EPB41L2: variants seen among roughly 807,000 people sequenced by gnomAD.
EPB41L2 encodes the protein band 4.1-like protein 2.
Under a neutral mutation model 113.0 loss-of-function variants are expected in EPB41L2, and 43 were observed. That is an observed-to-expected ratio of 0.38 (90% CI 0.30 to 0.49). EPB41L2 has a LOEUF of 0.49. Ranked by LOEUF, EPB41L2 falls within the 20% of genes least tolerant of loss-of-function variation. EPB41L2 has a pLI of 0.95. For synonymous variants in EPB41L2, 442 were observed against 436.7 expected, an observed-to-expected ratio of 1.01 and a Z score of -0.15; for missense variants, 1,147 against 1,223.4, an observed-to-expected ratio of 0.94 and a Z score of 0.93.
chr6:130,920,036 T>C (rs1006080034), intron 4 of EPB41L2, among the ~76,000 whole-genome samples: 7 of 152,168 alleles, frequency 4.6e-5, no homozygotes, highest in African/African-American at 1.7e-4. Context: ...CAGGATGACA[T>C]AACATCTTTA....
At chr6:131,053,434 TAAAAAAAAAAAA>T (rs71030727) in intron 1 of EPB41L2, among the ~76,000 whole-genome samples, 7 of 88,876 alleles carry the variant, frequency 7.9e-5, no homozygotes, top group East Asian at 2.8e-4. Context: ...ATGGAAATGA[TAAAAAAAAAAAA>T]AAAAAAAAAA....
chr6:130,872,481 T>G (rs772716728), intron 14 of EPB41L2: 3 of 1,289,300 alleles, frequency 2.3e-6, no homozygotes, highest in Non-Finnish European at 1.0e-6. Flanking sequence ...GTGGCTTTCA[T>G]GCTATCAGAA....
At chr6:130,862,301 A>AG (rs994890995) in intron 18 of EPB41L2, among the ~76,000 whole-genome samples, 5 of 147,866 alleles carry the variant, frequency 3.4e-5, no homozygotes, top group African/African-American at 1.0e-4. Context: ...CAATGGGGAG[A>AG]GGGGGGTGGA....
chr6:130,963,525 TG>T (rs1306792884), intron 1 of EPB41L2, among the ~76,000 whole-genome samples: 1 of 152,194 alleles, frequency 6.6e-6, no homozygotes, highest in Non-Finnish European at 1.5e-5. Flanking sequence ...CTTCATATGT[TG>T]GAGACAGGGG....
chr6:131,003,807 G>A (rs1784873908), intron 1 of EPB41L2, among the ~76,000 whole-genome samples: 1 of 152,158 alleles, frequency 6.6e-6, no homozygotes, highest in African/African-American at 2.4e-5. Flanking sequence ...AGCATGGGCA[G>A]GTTATATCGG....
At chr6:130,907,096 A>T (rs1420344802) in intron 5 of EPB41L2, among the ~76,000 whole-genome samples, 2 of 152,206 alleles carry the variant, frequency 1.3e-5, no homozygotes, top group African/African-American at 4.8e-5. Flanking sequence ...AAATAATAAT[A>T]ATAATCAAAC....
intron 3 of EPB41L2, among the ~76,000 whole-genome samples, chr6:130,948,127 T>C (rs998880700): frequency 3.9e-5 from 6 of 152,194 alleles, no homozygotes; most frequent in African/African-American, 1.2e-4. Context: ...AATGGCAATA[T>C]TAAGTAATCA....
chr6:130,865,851 G>A (rs1783584517), intron 16 of EPB41L2: 2 of 520,716 alleles, frequency 3.8e-6, no homozygotes, highest in Non-Finnish European at 6.8e-6. Context: ...TGTGAGTGGA[G>A]AAAAGAGAGG....
chr6:130,876,066 C>T (rs902357602), intron 14 of EPB41L2, among the ~76,000 whole-genome samples: 13 of 151,982 alleles, frequency 8.6e-5, no homozygotes, highest in Admixed American at 6.6e-5. Context: ...ACTCCAAGCT[C>T]TCCAGTCCCA....
At chr6:131,033,647 T>C (rs1417804852) in intron 1 of EPB41L2, among the ~76,000 whole-genome samples, 2 of 152,190 alleles carry the variant, frequency 1.3e-5, no homozygotes, top group Non-Finnish European at 2.9e-5. Context: ...ATGAATGAAT[T>C]TTGAAAACAC....
intron 4 of EPB41L2, among the ~76,000 whole-genome samples, chr6:130,909,452 C>CCTCA (rs1212958900): frequency 6.6e-6 from 1 of 152,158 alleles, no homozygotes; most frequent in African/African-American, 2.4e-5. Context: ...TTCTTCTTAA[C>CCTCA]CTCATTCTAA....
intron 1 of EPB41L2, among the ~76,000 whole-genome samples, chr6:130,993,020 C>T (rs907666840): frequency 6.6e-6 from 1 of 152,156 alleles, no homozygotes; most frequent in Non-Finnish European, 1.5e-5. Flanking sequence ...CACACTAAGA[C>T]TGGGCACAAA....
intron 1 of EPB41L2, among the ~76,000 whole-genome samples, chr6:131,010,732 T>C (rs1009973937): frequency 6.6e-6 from 1 of 152,118 alleles, no homozygotes; most frequent in Admixed American, 6.5e-5. Context: ...TCATCAATTT[T>C]TTAAAAACAT....
At chr6:130,952,124 C>T (rs945327942) in intron 3 of EPB41L2, among the ~76,000 whole-genome samples, 3 of 152,002 alleles carry the variant, frequency 2.0e-5, no homozygotes, top group Admixed American at 2.0e-4. Flanking sequence ...TTGATTGGTC[C>T]AAATTAATAA....
At chr6:130,953,654 CTTAAAGTA>C (rs1331647253) in intron 3 of EPB41L2, among the ~76,000 whole-genome samples, 1 of 151,066 alleles carries the variant, frequency 6.6e-6, no homozygotes, top group Non-Finnish European at 1.5e-5. Flanking sequence ...TACCCTAGAA[CTTAAAGTA>C]TTAAAAAAAA....
intron 1 of EPB41L2, among the ~76,000 whole-genome samples, chr6:131,011,502 T>C (rs1181938000): frequency 2.0e-5 from 3 of 152,244 alleles, no homozygotes; most frequent in Non-Finnish European, 2.9e-5. Flanking sequence ...GTAACCATTG[T>C]ATTTCGGCTT....
In EPB41L2 at chr6:130,839,642, A is replaced by G. The variant is rs574542277; in HGVS notation, c.*962T>C. 1 of 152,366 alleles carries G rather than the reference A, an allele frequency of 6.6e-6. No homozygotes were observed. 9.4% of individuals were successfully genotyped at this position (152,366 alleles called of 1,614,324 possible). A position where few individuals can be genotyped will look rare whatever the true frequency, so the allele number is the denominator to read the frequency against. On this transcript the variant is annotated 3_prime_UTR_variant, in exon 20 of 20. Coordinates refer to ENST00000337057, the MANE Select transcript of EPB41L2 (RefSeq NM_001431.4). ...TATCTGAAAGAGATAGGCCTGCTCA[A>G]TAACAAAAGGTAAGTTTTACATGTG... is the stretch of plus-strand genomic sequence containing the variant.
chr6:130,948,252 G>A (rs1336623739), intron 3 of EPB41L2, among the ~76,000 whole-genome samples: 2 of 152,074 alleles, frequency 1.3e-5, no homozygotes, highest in Non-Finnish European at 2.9e-5. Context: ...GCTGCTTTTC[G>A]CTTTGGATAC....
intron 3 of EPB41L2, among the ~76,000 whole-genome samples, chr6:130,931,850 GA>G (rs1178144511): frequency 6.6e-6 from 1 of 152,110 alleles, no homozygotes; most frequent in South Asian, 2.1e-4. Flanking sequence ...CAATACGGAA[GA>G]AAAGTACTGC....
Sources: allele counts gnomAD v4.1 joint callset (sites outside exome capture counted in the v4.1 genomes callset), GRCh38; gene constraint gnomAD v4.1.1; transcripts MANE v1.5; gene names NCBI Gene and HGNC (gene_info 2026-07-23, HGNC 2026-07-21).